Variants in CELF2 observed in about 807,000 individuals in gnomAD.
The protein encoded by CELF2 is CUGBP Elav-like family member 2, also known as CUG triplet repeat RNA-binding protein 2.
A neutral mutation model predicts 62.6 loss-of-function variants in CELF2; 8 were observed. That is an observed-to-expected ratio of 0.13 (90% CI 0.07 to 0.23). CELF2 has a LOEUF of 0.23. Ranked by LOEUF, CELF2 falls within the 10% of genes least tolerant of loss-of-function variation. The pLI is 1.00. For missense variants in CELF2, 333 were observed against 671.0 expected (o/e 0.50, Z 5.56); for synonymous variants, 258 against 250.0 (o/e 1.03, Z -0.30).
chr10:10,519,589 T>C, the CELF2 span, among the ~76,000 whole-genome samples: 1 of 152,234 alleles, frequency 6.6e-6, no homozygotes, highest in African/African-American at 2.4e-5. Context: ...ATGCCTGCAA[T>C]GTTCCTGTCG....
chr10:10,493,432 A>G, the CELF2 span, among the ~76,000 whole-genome samples: 1 of 151,812 alleles, frequency 6.6e-6, no homozygotes, highest in East Asian at 1.9e-4. Flanking sequence ...AAAATGGTAA[A>G]TTTTATATAT....
At chr10:10,539,112 C>A in the CELF2 span, among the ~76,000 whole-genome samples, 1 of 152,158 alleles carries the variant, frequency 6.6e-6, no homozygotes. Flanking sequence ...TAAAGTAATT[C>A]TTGAGAATCA....
chr10:10,585,776 C>T, the CELF2 span, among the ~76,000 whole-genome samples: 1 of 152,066 alleles, frequency 6.6e-6, no homozygotes. Flanking sequence ...CGGAAGGATC[C>T]CAATACATTT....
chr10:10,876,689 T>A (rs890801774), intron 1 of CELF2, among the ~76,000 whole-genome samples: 11 of 152,228 alleles, frequency 7.2e-5, no homozygotes, highest in African/African-American at 2.4e-4. Flanking sequence ...TTGGTTTTCC[T>A]ACTCTCCAGA....
intron 1 of CELF2, among the ~76,000 whole-genome samples, chr10:11,130,463 A>G (rs1483455580): frequency 6.6e-6 from 1 of 152,112 alleles, no homozygotes; most frequent in East Asian, 1.9e-4. Context: ...GCCCCATAGC[A>G]CTTTATTCTT....
rs1006764903 is a variant in CELF2, at chr10:10,798,774, T to G, written c.10T>G (p.Leu4Val). ...AGCCGGCTCCTAGACAATGGTTTCCTTGGTCTCTGACTTGGATCCTCTGAA... is the reference window on the plus strand; with the variant it reads ...AGCCGGCTCCTAGACAATGGTTTCCGTGGTCTCTGACTTGGATCCTCTGAA... The change falls in exon 1 of 14, where the codon TTG (leucine) becomes GTG (valine). Residue 4 changes from leucine (L) to valine (V), a missense_variant. Physicochemically the swap from Leu to Val is conservative, Grantham distance 32. Coordinates refer to the CELF2 transcript ENST00000636488. The G allele has an allele frequency of 1.2e-4, 49 of 398,898 alleles. No homozygotes were observed. The highest frequency in any genetic ancestry group is 7.4e-4 in the African/African-American group (36 of 48,766). The allele number at this position is 398,898 out of a possible 1,614,324, so 24.7% of individuals were successfully genotyped here.
intron 1 of CELF2, among the ~76,000 whole-genome samples, chr10:11,024,912 A>G (rs2058895199): frequency 6.6e-6 from 1 of 152,236 alleles, no homozygotes; most frequent in Admixed American, 6.5e-5. Context: ...ACTCCCAAGT[A>G]CTTTGATTTA....
chr10:10,673,776 T>G, the CELF2 span, among the ~76,000 whole-genome samples: 1 of 152,200 alleles, frequency 6.6e-6, no homozygotes, highest in Non-Finnish European at 1.5e-5. Flanking sequence ...AAATTTCTCT[T>G]GGACCTATAT....
intron 1 of CELF2, among the ~76,000 whole-genome samples, chr10:11,033,499 C>T (rs2060469936): frequency 6.6e-6 from 1 of 152,140 alleles, no homozygotes; most frequent in Non-Finnish European, 1.5e-5. Context: ...TCAGGTGATC[C>T]GCCCACCTCA....
At chr10:10,698,124 G>A in the CELF2 span, among the ~76,000 whole-genome samples, 5 of 152,154 alleles carry the variant, frequency 3.3e-5, no homozygotes, top group African/African-American at 7.2e-5. Flanking sequence ...CAGGTGGTGT[G>A]ATAACATCAA....
At chr10:10,466,370 A>C in the CELF2 span, among the ~76,000 whole-genome samples, 1 of 152,144 alleles carries the variant, frequency 6.6e-6, no homozygotes, top group Non-Finnish European at 1.5e-5. Context: ...ATTCATACAT[A>C]CTGTTGCATA....
intron 2 of CELF2, among the ~76,000 whole-genome samples, chr10:11,204,411 G>A (rs2059951552): frequency 6.6e-6 from 1 of 152,172 alleles, no homozygotes; most frequent in Non-Finnish European, 1.5e-5. Flanking sequence ...GAATCAGAAA[G>A]GCTCATGGAA....
At chr10:10,521,657 G>A in the CELF2 span, among the ~76,000 whole-genome samples, 3 of 152,176 alleles carry the variant, frequency 2.0e-5, no homozygotes, top group African/African-American at 7.2e-5. Flanking sequence ...AGCCAAAATG[G>A]TGAAAGAAAG....
At chr10:10,724,655 CAAAAAAA>C in the CELF2 span, among the ~76,000 whole-genome samples, 1 of 81,186 alleles carries the variant, frequency 1.2e-5, no homozygotes, top group African/African-American at 5.0e-5. Context: ...GACTCCGTCT[CAAAAAAA>C]AAAAAAAAGA....
rs189018143 is a variant in CELF2, at chr10:11,289,552, A to G, written c.976+1000A>G. Among the ~76,000 whole-genome samples, 13 of 152,304 alleles carry G rather than the reference A, an allele frequency of 8.5e-5. No homozygotes were observed. In the South Asian group the frequency reaches 1.7e-3, roughly 19 times the overall value. On this transcript the variant is annotated intron_variant, in intron 9 of 12. Transcript: ENST00000633077. ...GCATAAAACATTGTGTATCTAAGAC[A>G]TTTCACCTGGGGGATTGTTTCGAGG...
chr10:11,245,680 G>C (rs1170931855), intron 3 of CELF2, among the ~76,000 whole-genome samples: 1 of 152,216 alleles, frequency 6.6e-6, no homozygotes, highest in African/African-American at 2.4e-5. Context: ...CTGCACGAAT[G>C]CTAAGGGTGC....
At chr10:10,526,914 T>G in the CELF2 span, among the ~76,000 whole-genome samples, 2 of 152,344 alleles carry the variant, frequency 1.3e-5, no homozygotes, top group Non-Finnish European at 2.9e-5. Flanking sequence ...AGTCCTACCC[T>G]TGGACCACAA....
At chr10:10,778,332 G>A in the CELF2 span, among the ~76,000 whole-genome samples, 1 of 152,160 alleles carries the variant, frequency 6.6e-6, no homozygotes, top group African/African-American at 2.4e-5. Context: ...TGCATGCATT[G>A]TACACAGAGT....
At chr10:11,228,705 C>T (rs2067438712) in intron 3 of CELF2, among the ~76,000 whole-genome samples, 2 of 145,762 alleles carry the variant, frequency 1.4e-5, no homozygotes, top group African/African-American at 5.2e-5. Context: ...ACAACCCCCA[C>T]CCGCGCCCCT....
Sources: allele counts gnomAD v4.1 joint callset (sites outside exome capture counted in the v4.1 genomes callset), GRCh38; gene constraint gnomAD v4.1.1; transcripts MANE v1.5; gene names NCBI Gene and HGNC (gene_info 2026-07-23, HGNC 2026-07-21).